The following PTCH1 variants were observed in gnomAD, a reference collection of about 807,000 sequenced individuals.
PTCH1 encodes the protein protein patched homolog 1.
In PTCH1, 14 loss-of-function variants were observed where a neutral mutation model predicts 144.6. The observed-to-expected ratio is 0.10, with a 90% CI of 0.06 to 0.15. The LOEUF (loss-of-function observed/expected upper bound fraction) is 0.15. PTCH1 is among the 10% of genes least tolerant of loss of function. The pLI is 1.00. For synonymous variants in PTCH1, 833 were observed against 793.6 expected, an observed-to-expected ratio of 1.05 and a Z score of -0.83; for missense variants, 1,623 against 1,948.3, an observed-to-expected ratio of 0.83 and a Z score of 3.14.
Position 95,476,154 on chromosome 9 carries a change from C to T in PTCH1, c.1608G>A (p.Arg536=), listed in dbSNP as rs747086234. The T allele has an allele frequency of 3.7e-6, 6 of 1,611,778 alleles. No individual in the cohort carries two copies. In the African/African-American group the frequency reaches 5.3e-5, roughly 14 times the overall value. ...GQNKRIPFED[R]TGECLKRTGA... is the part of the protein sequence containing the mutation. ...CTGTGCGCTTCAGGCACTCCCCGGT[C>T]CTGTCCTGGGAATAAAAAAACACAG... is the stretch of plus-strand genomic sequence containing the variant. The change falls in exon 12 of 24, where the codon AGG becomes AGA. Residue 536 remains arginine, a synonymous_variant. Transcript: ENST00000331920. This position sits in a 1 kb window ranked among gnomAD's most constrained non-coding sequence, Gnocchi z 4.6.
chr9:95,463,777 C>A (rs1839758285), intron 15 of PTCH1, among the ~76,000 whole-genome samples: 1 of 152,098 alleles, frequency 6.6e-6, no homozygotes, highest in African/African-American at 2.4e-5. Context: ...AAAGGGGAGA[C>A]TGGAGGGGGC....
rs1485524759 is a variant in PTCH1, at chr9:95,449,833, C to T, written c.3549+8G>A. On this transcript the variant is annotated splice_region_variant and intron_variant, in intron 21 of 23. Transcript: ENST00000331920. The surrounding 1 kb of genome is among the most constrained non-coding windows in gnomAD (Gnocchi z 5.3). Reference sequence around the variant, plus strand: ...CTACACGTGGGACATCCCCGTGTCACTACTGACCTCAGGATATGGTCCAAA... The same window carrying T: ...CTACACGTGGGACATCCCCGTGTCATTACTGACCTCAGGATATGGTCCAAA... 2 of 1,608,504 alleles carry T rather than the reference C, an allele frequency of 1.2e-6. No homozygotes were observed. The highest frequency in any genetic ancestry group is 1.7e-6 in the Non-Finnish European group (2 of 1,175,048).
At chr9:95,515,074 A>G (rs572885068) in intron 1 of PTCH1, among the ~76,000 whole-genome samples, 1 of 145,840 alleles carries the variant, frequency 6.9e-6, no homozygotes. Flanking sequence ...CTGAGGCAAC[A>G]ATTTATCCGG....
chr9:95,445,002 A>C lies in PTCH1; in HGVS notation c.*1391T>G, dbSNP rs1837769224. On this transcript the variant is annotated 3_prime_UTR_variant, in exon 24 of 24. Transcript: ENST00000331920. ...AGAGCACTAATGACGGGGAGGATGG[A>C]GACAATGTTTGGATTTACTTAGGAA... 6.6e-6 allele frequency: 1 copy of C among 152,222 alleles called. No individual in the cohort carries two copies. Among genetic ancestry groups the C allele is most frequent in the African/African-American group, 2.4e-5 (1 of 41,454 alleles). The allele number at this position is 152,222 out of a possible 1,614,324, so 9.4% of individuals were successfully genotyped here.
chr9:95,461,083 G>A (rs932565045), intron 16 of PTCH1, among the ~76,000 whole-genome samples: 2 of 152,144 alleles, frequency 1.3e-5, no homozygotes, highest in Non-Finnish European at 2.9e-5. Flanking sequence ...AGAGCCAAGG[G>A]AAGAGGCTCC....
chr9:95,462,602 C>G (rs1030957635), intron 15 of PTCH1, among the ~76,000 whole-genome samples: 1 of 152,242 alleles, frequency 6.6e-6, no homozygotes, highest in Non-Finnish European at 1.5e-5. Flanking sequence ...TGCTCTCTTC[C>G]TCTCTGCCAC....
chr9:95,475,749 G>A (rs1324433803), intron 12 of PTCH1, among the ~76,000 whole-genome samples: 1 of 152,110 alleles, frequency 6.6e-6, no homozygotes, highest in Non-Finnish European at 1.5e-5. Flanking sequence ...GAGTAGCCCC[G>A]AAAGCCATGC....
At chr9:95,475,975 G>C in intron 12 of PTCH1, 59 bp downstream of exon 12, 1 of 1,610,528 alleles carries the variant, frequency 6.2e-7, no homozygotes, top group Non-Finnish European at 8.5e-7. Context: ...GCAGACATGG[G>C]ATGCTGGAAG....
intron 15 of PTCH1, among the ~76,000 whole-genome samples, chr9:95,466,665 A>G (rs987213634): frequency 1.3e-5 from 2 of 152,222 alleles, no homozygotes; most frequent in African/African-American, 4.8e-5. Flanking sequence ...ATAATTTTTA[A>G]AGAGATGGTC....
chr9:95,463,782 G>A (rs1839758768), intron 15 of PTCH1, among the ~76,000 whole-genome samples: 1 of 152,164 alleles, frequency 6.6e-6, no homozygotes, highest in South Asian at 2.1e-4. Context: ...GGAGACTGGA[G>A]GGGGCCACCC....
chr9:95,484,789 C>A (rs565137986), intron 3 of PTCH1, among the ~76,000 whole-genome samples: 65 of 152,314 alleles, frequency 4.3e-4, no homozygotes, highest in African/African-American at 1.5e-3. Flanking sequence ...GGCCCCTGCC[C>A]TGTAGTAACC....
At chr9:95,505,254 C>T (rs1275684998) in intron 2 of PTCH1, among the ~76,000 whole-genome samples, 1 of 152,190 alleles carries the variant, frequency 6.6e-6, no homozygotes, top group Non-Finnish European at 1.5e-5. Context: ...ATGCGCATAA[C>T]TCTTCAGCTT....
intron 20 of PTCH1, chr9:95,450,159 G>GT (rs1838339956): frequency 1.4e-5 from 8 of 583,948 alleles, no homozygotes; most frequent in Admixed American, 5.9e-5. Context: ...ACAACCCAAA[G>GT]TGTTAGTTCA....
intron 18 of PTCH1, among the ~76,000 whole-genome samples, chr9:95,457,724 G>A (rs1041174804): frequency 6.6e-6 from 1 of 152,140 alleles, no homozygotes; most frequent in African/African-American, 2.4e-5. Flanking sequence ...TAGGCTTTGA[G>A]TGTTTTGATT....
At chr9:95,507,335 G>A in intron 1 of PTCH1, 1 of 985,530 alleles carries the variant, frequency 1.0e-6, no homozygotes, top group Non-Finnish European at 1.2e-6. Context: ...AAGGGCTCAG[G>A]CCGGCGCAGG....
chr9:95,480,939 ATATCAAAT>A (rs1474147832), intron 5 of PTCH1, among the ~76,000 whole-genome samples: 2 of 152,184 alleles, frequency 1.3e-5, no homozygotes, highest in Non-Finnish European at 2.9e-5. Context: ...GGGCGTCACA[ATATCAAAT>A]TAGCACTTGG....
intron 2 of PTCH1, among the ~76,000 whole-genome samples, chr9:95,503,634 C>G (rs929630707): frequency 6.6e-6 from 1 of 152,150 alleles, no homozygotes; most frequent in Non-Finnish European, 1.5e-5. Flanking sequence ...GCAAAGTAGA[C>G]CTGGAGACAA....
chr9:95,473,383 A>G (rs2118183172), intron 12 of PTCH1, among the ~76,000 whole-genome samples: 1 of 152,238 alleles, frequency 6.6e-6, no homozygotes, highest in Non-Finnish European at 1.5e-5. Flanking sequence ...ACAACTGAAC[A>G]CCCAGAGTCA....
chr9:95,484,993 G>A (rs1588620606), intron 3 of PTCH1, among the ~76,000 whole-genome samples: 2 of 152,144 alleles, frequency 1.3e-5, no homozygotes, highest in South Asian at 4.1e-4. Flanking sequence ...ATCACTTGAG[G>A]TCAGGAGTTC....
Sources: gnomAD v4.1 joint callset for allele counts (sites outside exome capture counted in the v4.1 genomes callset) on GRCh38, gnomAD v4.1.1 for gene constraint, Gnocchi (gnomAD v3.1) non-coding constraint, MANE v1.5 for transcripts, NCBI Gene and HGNC (gene_info 2026-07-23, HGNC 2026-07-21) for gene names.